NVL: variants seen among roughly 807,000 people sequenced by gnomAD.
NVL encodes nuclear valosin-containing protein-like.
Under a neutral mutation model 110.2 loss-of-function variants are expected in NVL, and 84 were observed. The observed-to-expected ratio is 0.76, with a 90% CI of 0.64 to 0.91. The LOEUF is 0.91. NVL is among the 40% of genes least tolerant of loss of function. NVL has a pLI of 0.00. For missense variants in NVL, 882 were observed against 1,035.9 expected (o/e 0.85, Z 2.04); for synonymous variants, 354 against 361.1 (o/e 0.98, Z 0.22).
intron 2 of NVL, among the ~76,000 whole-genome samples, chr1:224,323,723 G>A (rs947717388): frequency 6.6e-6 from 1 of 152,208 alleles, no homozygotes; most frequent in African/African-American, 2.4e-5. Context: ...AAACCCAGAG[G>A]GCACAGGTCC....
intron 20 of NVL, among the ~76,000 whole-genome samples, chr1:224,234,941 T>C (rs188353813): frequency 6.6e-5 from 10 of 152,270 alleles, no homozygotes; most frequent in Admixed American, 6.5e-4. Context: ...CGAAAATCTT[T>C]TCAGATTTGA....
At chr1:224,231,132 C>CA (rs140419434) in intron 22 of NVL, 94 bp downstream of exon 22, 82,505 of 633,164 alleles carry the variant, frequency 0.13, 162 homozygotes, top group African/African-American at 0.15. Context: ...GACTCCGTCT[C>CA]AAAAAAAAAA....
intron 18 of NVL, among the ~76,000 whole-genome samples, chr1:224,265,524 A>G (rs1445392930): frequency 2.0e-5 from 3 of 152,130 alleles, no homozygotes; most frequent in African/African-American, 7.2e-5. Flanking sequence ...AATAAATAAT[A>G]AAATAAAATA....
intron 15 of NVL, among the ~76,000 whole-genome samples, chr1:224,282,483 T>A (rs977558651): frequency 3.9e-5 from 6 of 152,232 alleles, no homozygotes; most frequent in Admixed American, 1.3e-4. Context: ...GATTTACAAA[T>A]GAAAATTTAA....
At chr1:224,326,286 T>A (rs1332981687) in intron 2 of NVL, 105 bp downstream of exon 2, 3 of 717,956 alleles carry the variant, frequency 4.2e-6, no homozygotes, top group Non-Finnish European at 7.1e-6. Flanking sequence ...GGTGAACTAA[T>A]GCCAGCAGCT....
At chr1:224,293,456 T>C (rs1208792339) in intron 12 of NVL, among the ~76,000 whole-genome samples, 2 of 152,206 alleles carry the variant, frequency 1.3e-5, no homozygotes, top group Admixed American at 6.5e-5. Flanking sequence ...TTTCTGGTTA[T>C]TGGTGGATAT....
intron 8 of NVL, among the ~76,000 whole-genome samples, chr1:224,304,251 CCTG>C: frequency 6.6e-6 from 1 of 151,990 alleles, no homozygotes; most frequent in Non-Finnish European, 1.5e-5. Flanking sequence ...ATGGTGAAGC[CCTG>C]TCTCTACTAA....
intron 1 of NVL, among the ~76,000 whole-genome samples, chr1:224,328,182 ATC>A (rs1299092682): frequency 6.6e-6 from 1 of 152,102 alleles, no homozygotes; most frequent in Non-Finnish European, 1.5e-5. Context: ...TCAACCCGTC[ATC>A]TACATTAGGT....
intron 2 of NVL, among the ~76,000 whole-genome samples, chr1:224,318,932 T>C (rs1670355932): frequency 6.7e-6 from 1 of 148,620 alleles, no homozygotes; most frequent in Admixed American, 6.8e-5. Context: ...GAGCTTGCAG[T>C]GAGCCAAGAT....
chr1:224,266,672 T>A (rs1664533044), intron 18 of NVL, among the ~76,000 whole-genome samples: 2 of 152,184 alleles, frequency 1.3e-5, no homozygotes, highest in Admixed American at 6.5e-5. Context: ...TGAGAAAAGA[T>A]CTGTATCTGC....
rs774683945 is a variant in NVL at position 224,281,277 on chromosome 1, C to CTG, written c.1900-94_1900-93dup. 2.8e-3 allele frequency: 2,348 copies of CTG among 837,828 alleles called. 35 individuals carry two copies. In the African/African-American group the frequency reaches 0.037, roughly 13 times the overall value. The allele number at this position is 837,828 out of a possible 1,614,324, so 51.9% of individuals were successfully genotyped here. On this transcript the variant is annotated intron_variant, in intron 15 of 22. Transcript: ENST00000281701. ...GATGATGTGTGACAATGAAAGGACT[C>CTG]TGTGTGCGTGTGTGTGTGTGTGTGT...
intron 2 of NVL, among the ~76,000 whole-genome samples, chr1:224,319,760 G>A (rs1271290808): frequency 3.3e-5 from 5 of 151,994 alleles, no homozygotes; most frequent in Non-Finnish European, 7.4e-5. Flanking sequence ...GATGAGTACA[G>A]GATATTTGTA....
chr1:224,259,196 C>T (rs570658366), intron 18 of NVL, among the ~76,000 whole-genome samples: 1 of 151,860 alleles, frequency 6.6e-6, no homozygotes, highest in South Asian at 2.1e-4. Context: ...TCAAGCGATT[C>T]TCCTGCCTCA....
intron 19 of NVL, among the ~76,000 whole-genome samples, chr1:224,242,631 C>T (rs1661331053): frequency 6.7e-6 from 1 of 150,202 alleles, no homozygotes; most frequent in South Asian, 2.1e-4. Flanking sequence ...CCATGCCTGG[C>T]CAATTTTGGT....
At position 224,289,533 on chromosome 1, in the gene NVL, T is replaced by C; in HGVS notation, c.1526A>G (p.Lys509Arg). 8 of 1,614,278 alleles carry C rather than the reference T, an allele frequency of 5.0e-6. No individual in the cohort carries two copies. The highest frequency in any genetic ancestry group is 6.8e-6 in the Non-Finnish European group (8 of 1,180,056). Residue 509 changes from lysine to arginine, a missense_variant, in exon 13 of 23, where the codon AAA becomes AGA. Around this residue, in one of 4 missense-constraint regions of NVL, gnomAD observed 416 missense variants for 499.3 expected, o/e 0.83. Transcript: ENST00000281701. ...KNPEMEDLPS[K>R]GVQEERLGTE... ...TCCCAGCCTTTCCTCCTGGACTCCT[T>C]TAGATGGCAAATCTTCCATTTCAGG...
rs567353550 is a variant in NVL at position 224,328,709 on chromosome 1, A to T, written c.57+1362T>A. Among the ~76,000 whole-genome samples the T allele has an allele frequency of 2.6e-5, 4 of 152,292 alleles. No individual in the cohort carries two copies. The East Asian group carries it at 7.7e-4, about 29-fold the overall frequency. ...AAATGAAAGACTCAGAATGATCCTT[A>T]AGGTTTTTGGCCTTAACAACAGGAC... On this transcript the variant is annotated intron_variant, in intron 1 of 22. Transcript: ENST00000281701.
intron 2 of NVL, among the ~76,000 whole-genome samples, chr1:224,325,836 G>C (rs60715845): frequency 0.059 from 9,035 of 152,200 alleles, 844 homozygotes; most frequent in African/African-American, 0.2. Flanking sequence ...ACTGAGGTTA[G>C]AGTGCAGTGG....
chr1:224,322,531 T>G (rs1438128600), intron 2 of NVL, among the ~76,000 whole-genome samples: 1 of 152,194 alleles, frequency 6.6e-6, no homozygotes, highest in Non-Finnish European at 1.5e-5. Flanking sequence ...TTGGTATTGA[T>G]AAGTATAGTG....
At position 224,328,447 on chromosome 1, in the gene NVL, G is replaced by A. The variant is rs903060646; in HGVS notation, c.57+1624C>T. On this transcript the variant is annotated intron_variant, in intron 1 of 22. Coordinates refer to ENST00000281701, the MANE Select transcript of NVL (RefSeq NM_002533.4). ...AGGCAGGAGAATCACTTGAACCCAG[G>A]AGGCAGAGGTTGCAGTGAGCAGAAA... Among the ~76,000 whole-genome samples the A allele has an allele frequency of 2.1e-5, 3 of 145,024 alleles. No homozygotes were observed. In the East Asian group the frequency reaches 6.1e-4, roughly 29 times the overall value.
Sources: allele counts gnomAD v4.1 joint callset (sites outside exome capture counted in the v4.1 genomes callset), GRCh38; gene constraint gnomAD v4.1.1; regional missense constraint gnomAD v4.1.1; transcripts MANE v1.5; gene names NCBI Gene and HGNC (gene_info 2026-07-23, HGNC 2026-07-21).